SLC24A2: variants seen among roughly 807,000 people sequenced by gnomAD.
SLC24A2 encodes solute carrier family 24 member 2.
In SLC24A2, 36 loss-of-function variants were observed where a neutral mutation model predicts 62.0. The ratio of observed to expected loss-of-function variants is 0.58; its 90% CI spans 0.44 to 0.77. The LOEUF (loss-of-function observed/expected upper bound fraction) is 0.77. Among genes scored for constraint, SLC24A2 ranks in the 30% least tolerant of loss-of-function variants. The probability of loss-of-function intolerance (pLI) is 0.00; values close to 1 mark genes in which losing one functional copy is unlikely to be tolerated. For synonymous variants in SLC24A2, 358 were observed against 294.0 expected (o/e 1.22, Z -2.23); for missense variants, 846 against 817.9 (o/e 1.03, Z -0.42).
At chr9:19,593,726 C>T (rs904611611) in intron 5 of SLC24A2, among the ~76,000 whole-genome samples, 3 of 152,060 alleles carry the variant, frequency 2.0e-5, no homozygotes, top group African/African-American at 7.2e-5. Flanking sequence ...CCATCTTGTA[C>T]AACAAGCTGC....
Position 19,509,054 on chromosome 9 carries a change from A to G in SLC24A2, c.*7099T>C, listed in dbSNP as rs1395577845. The G allele has an allele frequency of 1.3e-5, 2 of 152,146 alleles. No homozygotes were observed. Among genetic ancestry groups the G allele is most frequent in the African/African-American group, 4.8e-5 (2 of 41,442 alleles). The allele number at this position is 152,146 out of a possible 1,614,324, so 9.4% of individuals were successfully genotyped here. ...CTCTATTTCCCATTTTTATAAGGGA[A>G]CTTCTTAGACCCATCCTATATTTAT... On this transcript the variant is annotated 3_prime_UTR_variant, in exon 11 of 11. Transcript: ENST00000341998.
chr9:19,679,667 T>C (rs891459886), intron 2 of SLC24A2, among the ~76,000 whole-genome samples: 2 of 152,104 alleles, frequency 1.3e-5, no homozygotes, highest in African/African-American at 4.8e-5. Context: ...ACTGAGACAT[T>C]TGTCTTCTCC....
chr9:19,700,290 C>T (rs544151819), intron 2 of SLC24A2, among the ~76,000 whole-genome samples: 18 of 152,216 alleles, frequency 1.2e-4, no homozygotes, highest in African/African-American at 4.1e-4. Context: ...GAACTAAACA[C>T]CTTTTGCAGG....
chr9:19,771,424 A>C (rs1822684330), intron 2 of SLC24A2, among the ~76,000 whole-genome samples: 1 of 152,216 alleles, frequency 6.6e-6, no homozygotes, highest in African/African-American at 2.4e-5. Context: ...GGTCAGAGCT[A>C]TTTGTGGCTA....
chr9:19,671,776 T>TGC (rs1488072060), intron 2 of SLC24A2, among the ~76,000 whole-genome samples: 1 of 140,300 alleles, frequency 7.1e-6, no homozygotes, highest in African/African-American at 3.3e-5. Flanking sequence ...AGATGCTGGA[T>TGC]TTTGTCAAAT....
At chr9:19,828,084 T>A in the SLC24A2 span, among the ~76,000 whole-genome samples, 1 of 152,282 alleles carries the variant, frequency 6.6e-6, no homozygotes, top group East Asian at 1.9e-4. Context: ...GTACAAATAG[T>A]CCTATGATGA....
chr9:20,122,228 G>C, the SLC24A2 span, among the ~76,000 whole-genome samples: 16 of 152,200 alleles, frequency 1.1e-4, 1 homozygote, highest in Non-Finnish European at 1.9e-4. Flanking sequence ...CTGTGCAAAT[G>C]CACTGATTAC....
At chr9:19,530,379 C>T (rs1261885722) in intron 8 of SLC24A2, among the ~76,000 whole-genome samples, 1 of 152,166 alleles carries the variant, frequency 6.6e-6, no homozygotes, top group African/African-American at 2.4e-5. Flanking sequence ...AAGCTTTCTA[C>T]ATGCCTTAAG....
Position 19,770,058 on chromosome 9 carries a change from C to G in SLC24A2, c.930+15879G>C, listed in dbSNP as rs192922142. The stretch of plus-strand genomic sequence containing the variant: ...ATAAAGAAATTAGAAGAAGCAAATG[C>G]AGTCTATATTGTCCCATGTAGACTG... On this transcript the variant is annotated intron_variant, in intron 2 of 10. Coordinates refer to ENST00000341998, the MANE Select transcript of SLC24A2 (RefSeq NM_020344.4). 3.6e-4 allele frequency among the ~76,000 whole-genome samples: 55 copies of G among 151,206 alleles called. 1 individual carries two copies. The East Asian group carries it at 0.01, about 28-fold the overall frequency.
chr9:19,943,847 T>C, the SLC24A2 span, among the ~76,000 whole-genome samples: 1 of 152,322 alleles, frequency 6.6e-6, no homozygotes, highest in African/African-American at 2.4e-5. Context: ...AAAAATGTGG[T>C]TAATATTCTA....
intron 4 of SLC24A2, among the ~76,000 whole-genome samples, chr9:19,607,252 T>A (rs971949716): frequency 6.6e-6 from 1 of 152,178 alleles, no homozygotes; most frequent in Non-Finnish European, 1.5e-5. Flanking sequence ...CCCCAAGTAA[T>A]TGCATCTGTG....
chr9:19,612,994 G>T (rs530750630), intron 4 of SLC24A2, among the ~76,000 whole-genome samples: 1 of 152,204 alleles, frequency 6.6e-6, no homozygotes, highest in Non-Finnish European at 1.5e-5. Flanking sequence ...ATCCATCTGG[G>T]CAGGTCACCA....
the SLC24A2 span, among the ~76,000 whole-genome samples, chr9:20,051,925 C>T: frequency 6.6e-6 from 1 of 151,856 alleles, no homozygotes; most frequent in Non-Finnish European, 1.5e-5. Flanking sequence ...ATCCTTTAAT[C>T]CCCCGTTTTC....
chr9:20,283,756 G>GGA, the SLC24A2 span, among the ~76,000 whole-genome samples: 55 of 145,052 alleles, frequency 3.8e-4, no homozygotes, highest in African/African-American at 1.0e-3. Context: ...AAAAAAGGGG[G>GGA]GGGGGGGCTT....
the SLC24A2 span, among the ~76,000 whole-genome samples, chr9:20,294,647 T>C: frequency 5.3e-5 from 8 of 152,282 alleles, no homozygotes; most frequent in Admixed American, 3.3e-4. Context: ...AGAAATCACT[T>C]AGTGATTTCC....
At chr9:20,147,451 A>C in the SLC24A2 span, among the ~76,000 whole-genome samples, 6 of 152,298 alleles carry the variant, frequency 3.9e-5, no homozygotes, top group East Asian at 1.2e-3. Flanking sequence ...TTTCATGTCA[A>C]GTCTTGATGT....
chr9:20,076,733 T>C, the SLC24A2 span, among the ~76,000 whole-genome samples: 2 of 151,812 alleles, frequency 1.3e-5, no homozygotes, highest in Admixed American at 1.3e-4. Flanking sequence ...AAGGGGCAGA[T>C]GGAGAAAAGT....
chr9:19,683,127 T>A (rs1215661661), intron 2 of SLC24A2, among the ~76,000 whole-genome samples: 1 of 152,126 alleles, frequency 6.6e-6, no homozygotes, highest in Non-Finnish European at 1.5e-5. Flanking sequence ...AGGTTTACTA[T>A]GAAATCCTTT....
the SLC24A2 span, among the ~76,000 whole-genome samples, chr9:20,166,487 T>G: frequency 6.6e-6 from 1 of 151,968 alleles, no homozygotes; most frequent in Non-Finnish European, 1.5e-5. Context: ...AGGGAGAAGA[T>G]CTCTGTAAAT....
Sources: allele counts gnomAD v4.1 joint callset (sites outside exome capture counted in the v4.1 genomes callset), GRCh38; gene constraint gnomAD v4.1.1; transcripts MANE v1.5; gene names NCBI Gene and HGNC (gene_info 2026-07-23, HGNC 2026-07-21).